The following CLOCK variants were observed in gnomAD, a reference collection of about 807,000 sequenced individuals.
CLOCK encodes the protein clock circadian regulator.
CLOCK carries 43 observed loss-of-function variants against 118.4 expected under a neutral mutation model. The observed-to-expected ratio is 0.36, with a 90% CI of 0.28 to 0.47. The LOEUF is 0.47. CLOCK is among the 20% of genes least tolerant of loss of function. The pLI, the probability that CLOCK is intolerant of heterozygous loss-of-function variation, is 1.00. For missense variants in CLOCK, 846 were observed against 999.9 expected (o/e 0.85, Z 2.08); for synonymous variants, 326 against 339.2 (o/e 0.96, Z 0.43).
At chr4:55,496,219 A>T (rs1728072028) in intron 2 of CLOCK, among the ~76,000 whole-genome samples, 1 of 151,950 alleles carries the variant, frequency 6.6e-6, no homozygotes, top group South Asian at 2.1e-4. Context: ...AAAAACAAAA[A>T]CAAAAAAACT....
At chr4:55,451,397 C>G (rs1409995313) in intron 15 of CLOCK, among the ~76,000 whole-genome samples, 1 of 152,140 alleles carries the variant, frequency 6.6e-6, no homozygotes, top group East Asian at 1.9e-4. Context: ...GCTATTACCC[C>G]CCTGTTGTTG....
At chr4:55,452,532 T>G (rs373957684) in intron 15 of CLOCK, 4 of 155,414 alleles carry the variant, frequency 2.6e-5, no homozygotes, top group African/African-American at 9.6e-5. Context: ...AACTAGGAGA[T>G]AACAAGTGTG....
intron 19 of CLOCK, 121 bp downstream of exon 19, chr4:55,444,512 T>C: frequency 8.5e-7 from 1 of 1,179,074 alleles, no homozygotes; most frequent in Admixed American, 1.7e-5. Flanking sequence ...AGTGAATATT[T>C]ATTGAACTGA....
At chr4:55,435,790 A>C (rs1315368780) in intron 22 of CLOCK, among the ~76,000 whole-genome samples, 196 bp from the exon 23 acceptor site, 1 of 152,186 alleles carries the variant, frequency 6.6e-6, no homozygotes, top group Admixed American at 6.5e-5. Flanking sequence ...AAAGTATGAG[A>C]GAGTTTCATT....
intron 14 of CLOCK, chr4:55,453,402 C>A (rs997213129): frequency 6.4e-5 from 31 of 484,158 alleles, no homozygotes; most frequent in African/African-American, 5.4e-4. Context: ...TATCTACCTA[C>A]AGTTTTCCTT....
chr4:55,514,182 T>A (rs1264168732), intron 1 of CLOCK, among the ~76,000 whole-genome samples: 5 of 152,148 alleles, frequency 3.3e-5, no homozygotes, highest in African/African-American at 1.2e-4. Flanking sequence ...CTTATCCTGT[T>A]CCTGATCTTA....
In CLOCK at chr4:55,430,986, A is replaced by C. The variant is rs956388721; in HGVS notation, c.*4429T>G. ...ACCAACTACGGTTCACTGGACCTAA[A>C]CATTTCTCAGAAATGTGTCATTTTA... On this transcript the variant is annotated 3_prime_UTR_variant, in exon 23 of 23. Coordinates refer to ENST00000513440, the MANE Select transcript of CLOCK (RefSeq NM_004898.4). The C allele has an allele frequency of 6.6e-6, 1 of 152,192 alleles. No homozygotes were observed. Among genetic ancestry groups the C allele is most frequent in the Non-Finnish European group, 1.5e-5 (1 of 68,024 alleles). The allele number at this position is 152,192 out of a possible 1,614,324, so 9.4% of individuals were successfully genotyped here.
At position 55,437,580 on chromosome 4, in the gene CLOCK, A is replaced by C. The variant is rs140117339; in HGVS notation, c.2361+702T>G. Among the ~76,000 whole-genome samples, 407 of 152,346 alleles carry C rather than the reference A, an allele frequency of 2.7e-3. 1 individual carries two copies. The highest frequency in any genetic ancestry group is 9.5e-3 in the African/African-American group (393 of 41,580). On this transcript the variant is annotated intron_variant, in intron 22 of 22. Transcript: ENST00000513440. ...TTACATTTGTCAATATAGCGGTCAC[A>C]AATAACAGCTAGCCATGTGCCTTGT...
intron 2 of CLOCK, among the ~76,000 whole-genome samples, chr4:55,503,977 G>GAAAAAA (rs1560463004): frequency 8.0e-5 from 2 of 25,104 alleles, no homozygotes; most frequent in Non-Finnish European, 9.5e-5. Flanking sequence ...GCAAAAAGAG[G>GAAAAAA]TAAAAAAAAA....
intron 8 of CLOCK, among the ~76,000 whole-genome samples, chr4:55,468,612 T>C (rs1229776277): frequency 6.6e-6 from 1 of 152,228 alleles, no homozygotes; most frequent in Non-Finnish European, 1.5e-5. Flanking sequence ...TAGAGTGTTT[T>C]TTATAAGTAA....
intron 1 of CLOCK, among the ~76,000 whole-genome samples, chr4:55,529,113 CAAG>C (rs1158809178): frequency 1.3e-5 from 2 of 152,244 alleles, no homozygotes; most frequent in African/African-American, 4.8e-5. Flanking sequence ...CCCAGATATA[CAAG>C]AAGAAACACC....
intron 22 of CLOCK, among the ~76,000 whole-genome samples, chr4:55,436,937 C>T (rs1036075186): frequency 8.4e-6 from 1 of 119,636 alleles, no homozygotes; most frequent in South Asian, 2.7e-4. Flanking sequence ...TTTTAAGGGC[C>T]TTTGTTCCTT....
chr4:55,460,767 G>A (rs369641987), intron 9 of CLOCK, among the ~76,000 whole-genome samples: 2 of 151,974 alleles, frequency 1.3e-5, no homozygotes, highest in Admixed American at 6.6e-5. Context: ...TATATTCTTC[G>A]GTTATTATCA....
At chr4:55,528,267 AC>A (rs1369846764) in intron 1 of CLOCK, among the ~76,000 whole-genome samples, 1 of 151,700 alleles carries the variant, frequency 6.6e-6, no homozygotes. Context: ...AATCACTTGA[AC>A]CCAGGAGGCA....
chr4:55,442,944 T>C (rs1312439208), intron 20 of CLOCK, among the ~76,000 whole-genome samples: 2 of 152,168 alleles, frequency 1.3e-5, no homozygotes, highest in African/African-American at 4.8e-5. Flanking sequence ...TGGGCATTTT[T>C]CTATTTTTCA....
chr4:55,511,955 C>A (rs953314732), intron 1 of CLOCK, among the ~76,000 whole-genome samples: 4 of 151,716 alleles, frequency 2.6e-5, no homozygotes, highest in Non-Finnish European at 5.9e-5. Flanking sequence ...CTTTTTGGCA[C>A]TGAATGATAT....
chr4:55,501,773 A>G (rs1316577533), intron 2 of CLOCK: 2 of 152,190 alleles, frequency 1.3e-5, no homozygotes, highest in African/African-American at 4.8e-5. Context: ...TAGAATAATA[A>G]TATAATTAAT....
intron 16 of CLOCK, 120 bp downstream of exon 16, chr4:55,449,971 T>A: frequency 7.9e-7 from 1 of 1,261,362 alleles, no homozygotes; most frequent in Non-Finnish European, 1.1e-6. Flanking sequence ...GGTTACTACA[T>A]TTCAGAAATG....
rs1470696226 is a variant in CLOCK at position 55,509,970 on chromosome 4, TC to T, written c.-195del. On this transcript the variant is annotated 5_prime_UTR_variant, in exon 2 of 23. The change abolishes an upstream ATG in the 5' untranslated region. Coordinates refer to ENST00000513440, the MANE Select transcript of CLOCK (RefSeq NM_004898.4). Reference sequence around the variant, plus strand: ...GTGAGACTTGCCAAGTTCTAAAGATTCATTTAAGAGGACTGTAGAATTATCC... The same window carrying T: ...GTGAGACTTGCCAAGTTCTAAAGATTATTTAAGAGGACTGTAGAATTATCC... The T allele has an allele frequency of 6.6e-6, 1 of 152,182 alleles. No individual in the cohort carries two copies. The highest frequency in any genetic ancestry group is 1.9e-4 in the East Asian group (1 of 5,198). 9.4% of individuals were successfully genotyped at this position (152,182 alleles called of 1,614,324 possible).
Sources: gnomAD v4.1 joint callset for allele counts (sites outside exome capture counted in the v4.1 genomes callset) on GRCh38, gnomAD v4.1.1 for gene constraint, MANE v1.5 for transcripts, NCBI Gene and HGNC (gene_info 2026-07-23, HGNC 2026-07-21) for gene names.